The following RESF1 variants were observed in gnomAD, a reference collection of about 807,000 sequenced individuals.
RESF1 encodes the protein retroelement silencing factor 1.
Under a neutral mutation model 134.7 loss-of-function variants are expected in RESF1, and 65 were observed. That is an observed-to-expected ratio of 0.48 (90% confidence interval 0.40 to 0.59). RESF1 has a LOEUF of 0.59. Ranked by LOEUF, RESF1 falls within the 20% of genes least tolerant of loss-of-function variation. RESF1 has a pLI of 0.00. For synonymous variants in RESF1, 762 were observed against 702.2 expected, an observed-to-expected ratio of 1.09 and a Z score of -1.35; for missense variants, 2,274 against 2,002.7, an observed-to-expected ratio of 1.14 and a Z score of -2.59.
chr12:31,985,804 C>T lies in RESF1; in HGVS notation c.4849C>T (p.His1617Tyr). 6.4e-7 allele frequency: 1 copy of T among 1,566,808 alleles called. No individual in the cohort carries two copies. The highest frequency in any genetic ancestry group is 8.6e-7 in the Non-Finnish European group (1 of 1,164,854). The change falls in exon 4 of 6, where the codon CAT becomes TAT. Residue 1617 changes from histidine (H) to tyrosine (Y), a missense_variant. Physicochemically the swap from His to Tyr is moderately conservative, Grantham distance 83. Coordinates refer to ENST00000312561, the MANE Select transcript of RESF1 (RefSeq NM_018169.4). The stretch of plus-strand genomic sequence containing the variant: ...TAAAGATAAGAGACAGGAAAATAAA[C>T]ATAAGACCTTTTTACCGGTGAAAGG... ...LHKDKRQENK[H>Y]KTFLPVKGNT...
intron 2 of RESF1, 54 bp from the exon 3 acceptor site, chr12:31,970,131 TAGTG>T (rs1192266058): frequency 1.3e-5 from 2 of 152,364 alleles, no homozygotes; most frequent in East Asian, 3.9e-4. Context: ...TTGTTAATCT[TAGTG>T]AGATCTTTAA....
intron 5 of RESF1, among the ~76,000 whole-genome samples, chr12:31,989,253 G>A (rs1019621475): frequency 1.3e-5 from 2 of 151,264 alleles, no homozygotes; most frequent in Non-Finnish European, 2.9e-5. Context: ...AAAATAAGCC[G>A]AGTGTGGTGG....
At chr12:31,963,143 A>C (rs866901169) in intron 2 of RESF1, among the ~76,000 whole-genome samples, 1 of 152,266 alleles carries the variant, frequency 6.6e-6, no homozygotes, top group East Asian at 1.9e-4. Flanking sequence ...AGGCAGGTGG[A>C]TCATGAGGTC....
Position 31,981,322 on chromosome 12 carries a change from C to A in RESF1, c.367C>A (p.Pro123Thr). The change falls in exon 4 of 6, where the codon CCA (proline) becomes ACA (threonine). Residue 123 changes from proline (P) to threonine (T), a missense_variant. Transcript: ENST00000312561. Reference protein sequence around the residue: ...GVTQNVWLNSPMRNPVHSHIG... With the variant: ...GVTQNVWLNSTMRNPVHSHIG... ...TACCCAAAACGTATGGTTGAACTCA[C>A]CAATGAGGAATCCTGTGCATTCTCA... 1 of 1,614,038 alleles carries A rather than the reference C, an allele frequency of 6.2e-7. No individual in the cohort carries two copies. Among genetic ancestry groups the A allele is most frequent in the Non-Finnish European group, 8.5e-7 (1 of 1,179,978 alleles).
rs1485597776 is a variant in RESF1, at chr12:31,984,109, C to T, written c.3154C>T (p.His1052Tyr). 2 of 1,613,456 alleles carry T rather than the reference C, an allele frequency of 1.2e-6. No homozygotes were observed. The highest frequency in any genetic ancestry group is 2.7e-5 in the African/African-American group (2 of 74,862). ...TGATAAGGCACCTGTCTTATACCTA[C>T]ATGACCAGCTGTCAGAACTTCTAAA... ...HSDKAPVLYL[H>Y]DQLSELLKEF... The change falls in exon 4 of 6, where the codon CAT (histidine) becomes TAT (tyrosine). Residue 1052 changes from histidine (H) to tyrosine (Y), a missense_variant. His to Tyr is a moderately conservative substitution (Grantham distance 83). Transcript: ENST00000312561.
In RESF1 at chr12:31,987,313, CAA is replaced by C. The variant is rs749440407; in HGVS notation, c.5078_5079del (p.Gln1693ArgfsTer4). On this transcript the variant is annotated frameshift_variant, in exon 5 of 6. Transcript: ENST00000312561. LOFTEE classifies it low-confidence loss of function (END_TRUNC). The part of the protein sequence containing the change: ...ATKKRTQKDS[Q>X]ERDNVNSRLS... ...AAAGAAAAGGACACAGAAAGACAGC[CAA>C]GAGAGAGGTAAAGTCATCTTTTTAA... The C allele has an allele frequency of 2.3e-5, 36 of 1,593,626 alleles. No individual in the cohort carries two copies. The highest frequency in any genetic ancestry group is 1.7e-4 in the Middle Eastern group (1 of 6,034).
rs751115305 is a variant in RESF1, at chr12:31,984,192, A to C, written c.3237A>C (p.Gln1079His). 6.2e-7 allele frequency: 1 copy of C among 1,613,560 alleles called. No homozygotes were observed. The highest frequency in any genetic ancestry group is 8.5e-7 in the Non-Finnish European group (1 of 1,179,888). Residue 1079 changes from glutamine to histidine, a missense_variant, in exon 4 of 6, where the codon CAA (glutamine) becomes CAC (histidine). By Grantham distance (24) the Gln-to-His change is conservative. Coordinates refer to ENST00000312561, the MANE Select transcript of RESF1 (RefSeq NM_018169.4). ...CACGTGAAGGTTCTGTGGGCCAGCA[A>C]ACTACATACCAGACCTCAGAAGATC... ...VNTREGSVGQQTTYQTSEDQT... is the reference protein window; with the variant it reads ...VNTREGSVGQHTTYQTSEDQT...
rs1165687358 is a variant in RESF1 at position 31,983,650 on chromosome 12, G to C, written c.2695G>C (p.Val899Leu). Residue 899 changes from valine (V) to leucine (L), a missense_variant, in exon 4 of 6, where the codon GTT (valine) becomes CTT (leucine). Physicochemically the swap from Val to Leu is conservative, Grantham distance 32. Transcript: ENST00000312561. ...ACAGATTGACAATATTTGTTCTCTG[G>C]TTGAAGGTGATACCTCTTACAATTC... ...TLQIDNICSL[V>L]EGDTSYNSQI... The C allele has an allele frequency of 6.2e-7, 1 of 1,614,034 alleles. No individual in the cohort carries two copies.
At position 31,970,183 on chromosome 12, in the gene RESF1, T is replaced by C. The variant is rs1302144467; in HGVS notation, c.-246-6T>C. The C allele has an allele frequency of 6.6e-6, 1 of 152,256 alleles. No homozygotes were observed. The highest frequency in any genetic ancestry group is 1.5e-5 in the Non-Finnish European group (1 of 68,042). The allele number at this position is 152,256 out of a possible 1,614,324, so 9.4% of individuals were successfully genotyped here. A position where few individuals can be genotyped will look rare whatever the true frequency, so the allele number is the denominator to read the frequency against. ...CATCCATAATTATCTTTATGCTTTC[T>C]TGCAGCTGTTTACTTCTAATTATTT... On this transcript the variant is annotated splice_polypyrimidine_tract_variant and splice_region_variant and intron_variant, in intron 2 of 5. Transcript: ENST00000312561.
intron 2 of RESF1, 58 bp downstream of exon 2, chr12:31,960,929 C>G (rs1939251160): frequency 6.6e-6 from 1 of 152,206 alleles, no homozygotes; most frequent in Non-Finnish European, 1.5e-5. Flanking sequence ...TATTCACACT[C>G]AACTATGGAG....
At chr12:31,968,700 T>A (rs4931588) in intron 2 of RESF1, among the ~76,000 whole-genome samples, 3 of 151,838 alleles carry the variant, frequency 2.0e-5, no homozygotes, top group Non-Finnish European at 2.9e-5. Context: ...CGCCCGCCTC[T>A]GCCTCCCAAA....
In RESF1 at chr12:31,983,416, C is replaced by A. The variant is rs370608026; in HGVS notation, c.2461C>A (p.Pro821Thr). ...TAALKVDVSG[P>T]VASTATSTKI... ...TGCTTTGAAAGTTGATGTTAGTGGA[C>A]CAGTAGCAAGTACAGCAACATCAAC... The change falls in exon 4 of 6, where the codon CCA (proline) becomes ACA (threonine). Residue 821 changes from proline to threonine, a missense_variant. Pro to Thr is a conservative substitution (Grantham distance 38). Transcript: ENST00000312561. The A allele has an allele frequency of 5.0e-5, 80 of 1,613,810 alleles. 1 individual carries two copies. The Middle Eastern group carries it at 1.2e-3, about 23-fold the overall frequency.
chr12:31,967,825 G>A (rs1219401830), intron 2 of RESF1, among the ~76,000 whole-genome samples: 1 of 152,086 alleles, frequency 6.6e-6, no homozygotes, highest in Non-Finnish European at 1.5e-5. Context: ...TACAATTTCT[G>A]CTGAATGCCT....
chr12:31,966,081 C>T (rs1348992154), intron 2 of RESF1, among the ~76,000 whole-genome samples: 3 of 152,010 alleles, frequency 2.0e-5, no homozygotes, highest in Non-Finnish European at 2.9e-5. Context: ...TTTTGGCTTC[C>T]CTAGGCCACT....
At chr12:31,961,388 C>T (rs1489448429) in intron 2 of RESF1, among the ~76,000 whole-genome samples, 1 of 152,164 alleles carries the variant, frequency 6.6e-6, no homozygotes, top group Non-Finnish European at 1.5e-5. Context: ...AGCACTCAGC[C>T]AACCCTGGAA....
Position 31,981,256 on chromosome 12 carries a change from C to T in RESF1, c.301C>T (p.Pro101Ser). 1.9e-6 allele frequency: 3 copies of T among 1,614,116 alleles called. No homozygotes were observed. The highest frequency in any genetic ancestry group is 2.5e-6 in the Non-Finnish European group (3 of 1,180,008). Residue 101 changes from proline (P) to serine (S), a missense_variant, in exon 4 of 6, where the codon CCC becomes TCC. Pro to Ser is a moderately conservative substitution (Grantham distance 74, BLOSUM62 -1). Transcript: ENST00000312561. Reference protein sequence around the residue: ...ERITYANVNGPKQLTHNLQMS... With the variant: ...ERITYANVNGSKQLTHNLQMS... ...AATAACATATGCAAATGTTAATGGA[C>T]CCAAACAACTAACTCACAATTTGCA... is the stretch of plus-strand genomic sequence containing the variant.
chr12:31,965,720 A>G (rs1379910420), intron 2 of RESF1, among the ~76,000 whole-genome samples: 3 of 152,060 alleles, frequency 2.0e-5, no homozygotes, highest in Non-Finnish European at 2.9e-5. Flanking sequence ...GTGAAAAGCC[A>G]TCTCTACTAA....
rs1411626512 is a variant in RESF1 at position 31,959,421 on chromosome 12, C to T, written c.-412C>T. 1 of 152,558 alleles carries T rather than the reference C, an allele frequency of 6.6e-6. No individual in the cohort carries two copies. The highest frequency in any genetic ancestry group is 1.5e-5 in the Non-Finnish European group (1 of 68,308). 9.5% of individuals were successfully genotyped at this position (152,558 alleles called of 1,614,324 possible). ...GCCCCTGGAGGCGGACCCCACTTGA[C>T]TTAAACTCTGGGGCCCGGGAGGCCG... On this transcript the variant is annotated 5_prime_UTR_variant, in exon 1 of 6. Transcript: ENST00000312561.
At chr12:31,960,897 C>A (rs1939250829) in intron 2 of RESF1, 26 bp downstream of exon 2, 1 of 152,126 alleles carries the variant, frequency 6.6e-6, no homozygotes, top group Admixed American at 6.5e-5. Flanking sequence ...CTAAGAAACC[C>A]GCCCTGATTT....
Sources: gnomAD v4.1 joint callset for allele counts (sites outside exome capture counted in the v4.1 genomes callset) on GRCh38, gnomAD v4.1.1 for gene constraint, MANE v1.5 for transcripts, NCBI Gene and HGNC (gene_info 2026-07-23, HGNC 2026-07-21) for gene names.